SGO2: variants seen among roughly 807,000 people sequenced by gnomAD.
SGO2 encodes the protein shugoshin 2.
SGO2 carries 68 observed loss-of-function variants against 99.5 expected under a neutral mutation model. The observed-to-expected ratio is 0.68, with a 90% CI of 0.56 to 0.84. The LOEUF is 0.84. Ranked by LOEUF, SGO2 falls within the 40% of genes least tolerant of loss-of-function variation. The pLI, the probability that SGO2 is intolerant of heterozygous loss-of-function variation, is 0.00. For synonymous variants in SGO2, 457 were observed against 487.1 expected, an observed-to-expected ratio of 0.94 and a Z score of 0.81; for missense variants, 1,350 against 1,436.7, an observed-to-expected ratio of 0.94 and a Z score of 0.97.
At chr2:200,581,950 C>T (rs753206611) in intron 8 of SGO2, among the ~76,000 whole-genome samples, 4 of 152,062 alleles carry the variant, frequency 2.6e-5, no homozygotes, top group South Asian at 2.1e-4. Flanking sequence ...AAGAGGAGTA[C>T]GAAGGAGTGA....
rs1314263278 is a variant in SGO2 at position 200,571,838 on chromosome 2, A to G, written c.1492A>G (p.Asn498Asp). The change falls in exon 7 of 9, where the codon AAT becomes GAT. Residue 498 changes from asparagine (N) to aspartate (D), a missense_variant. Physicochemically the swap from Asn to Asp is conservative, Grantham distance 23 (BLOSUM62 1). Transcript: ENST00000357799. ...TAATAAAAAGGAGAAAAGAATAACA[A>G]ATGAGCAAGAGGAAACATACTCTTT... is the stretch of plus-strand genomic sequence containing the variant. ...LCNKKEKRITNEQEETYSLSQ... is the reference protein window; with the variant it reads ...LCNKKEKRITDEQEETYSLSQ... 1 of 1,613,222 alleles carries G rather than the reference A, an allele frequency of 6.2e-7. No homozygotes were observed. The highest frequency in any genetic ancestry group is 1.3e-5 in the African/African-American group (1 of 74,874).
chr2:200,541,659 A>G (rs2031966056), intron 4 of SGO2, among the ~76,000 whole-genome samples: 1 of 152,186 alleles, frequency 6.6e-6, no homozygotes, highest in Admixed American at 6.5e-5. Context: ...AACAGGATGG[A>G]GATCCAAATA....
intron 2 of SGO2, chr2:200,533,376 A>G: frequency 3.8e-6 from 1 of 262,292 alleles, no homozygotes; most frequent in Non-Finnish European, 7.3e-6. Flanking sequence ...GCAGAAAAAA[A>G]CTACCAACAT....
intron 1 of SGO2, among the ~76,000 whole-genome samples, chr2:200,529,154 G>A (rs1008306594): frequency 6.6e-6 from 1 of 152,116 alleles, no homozygotes; most frequent in African/African-American, 2.4e-5. Flanking sequence ...AGGGAAGCAG[G>A]GAAATCAGGT....
intron 1 of SGO2, among the ~76,000 whole-genome samples, chr2:200,529,527 GT>G (rs368469794): frequency 7.4e-6 from 1 of 134,238 alleles, no homozygotes; most frequent in African/African-American, 2.6e-5. Flanking sequence ...TTTGTTTTTT[GT>G]TTTTTTGTTT....
chr2:200,545,113 CCTCT>C (rs1319224228), intron 5 of SGO2, among the ~76,000 whole-genome samples: 1 of 152,136 alleles, frequency 6.6e-6, no homozygotes, highest in Non-Finnish European at 1.5e-5. Context: ...CTCAAGCGAT[CCTCT>C]CTCCTCAGTC....
intron 4 of SGO2, among the ~76,000 whole-genome samples, chr2:200,541,291 G>A (rs2031946473): frequency 6.6e-6 from 1 of 152,150 alleles, no homozygotes; most frequent in African/African-American, 2.4e-5. Flanking sequence ...TATATCTCAG[G>A]AGGCAATGGT....
chr2:200,570,971 G>T lies in SGO2; in HGVS notation c.704-79G>T. The T allele has an allele frequency of 7.7e-7, 1 of 1,302,392 alleles. No homozygotes were observed. The allele number at this position is 1,302,392 out of a possible 1,614,324, so 80.7% of individuals were successfully genotyped here. On this transcript the variant is annotated intron_variant, in intron 6 of 8. Coordinates refer to ENST00000357799, the MANE Select transcript of SGO2 (RefSeq NM_152524.6). The surrounding 1 kb of genome is among the most constrained non-coding windows in gnomAD (Gnocchi z 4.4). ...AGAAATTATATCTGTGAAACAGCTT[G>T]ATTTCGAATCTAATTTGTTTAAGGT... is the stretch of plus-strand genomic sequence containing the variant.
In SGO2 at chr2:200,583,534, A is replaced by T. The variant is rs1451372814; in HGVS notation, c.*70A>T. On this transcript the variant is annotated 3_prime_UTR_variant, in exon 9 of 9. Coordinates refer to ENST00000357799, the MANE Select transcript of SGO2 (RefSeq NM_152524.6). Reference sequence around the variant, plus strand: ...GGAATCAAAACAGAAATATAGTATCAAGAAGATGAAATGCTTAATGAAAAG... The same window carrying T: ...GGAATCAAAACAGAAATATAGTATCTAGAAGATGAAATGCTTAATGAAAAG... 2.9e-6 allele frequency: 4 copies of T among 1,390,676 alleles called. No individual in the cohort carries two copies. In the South Asian group the frequency reaches 5.8e-5, roughly 20 times the overall value. The allele number at this position is 1,390,676 out of a possible 1,614,324, so 86.1% of individuals were successfully genotyped here.
chr2:200,557,722 T>C (rs553177621), intron 5 of SGO2, among the ~76,000 whole-genome samples: 1 of 152,184 alleles, frequency 6.6e-6, no homozygotes, highest in Non-Finnish European at 1.5e-5. Flanking sequence ...TCTAATAGTT[T>C]GTGAATAAAA....
At chr2:200,532,272 G>T (rs13430234) in intron 1 of SGO2, 7,394 of 187,676 alleles carry the variant, frequency 0.039, 656 homozygotes, top group African/African-American at 0.2. Context: ...AGAGTTTTTT[G>T]TTTTTTTTTT....
At chr2:200,557,379 C>T (rs2032761664) in intron 5 of SGO2, among the ~76,000 whole-genome samples, 1 of 152,094 alleles carries the variant, frequency 6.6e-6, no homozygotes, top group African/African-American at 2.4e-5. Context: ...CCTGGGCACC[C>T]CACCACTTAC....
At chr2:200,560,024 C>T (rs1432722195) in intron 5 of SGO2, among the ~76,000 whole-genome samples, 1 of 152,066 alleles carries the variant, frequency 6.6e-6, no homozygotes, top group East Asian at 1.9e-4. Context: ...TGGTTGAACG[C>T]AGTATTTTTA....
intron 5 of SGO2, among the ~76,000 whole-genome samples, chr2:200,549,960 T>C (rs1303085415): frequency 2.0e-5 from 3 of 152,200 alleles, no homozygotes; most frequent in Admixed American, 6.5e-5. Flanking sequence ...CCTGATCTTA[T>C]AAAGACTCCA....
chr2:200,564,580 C>G (rs536707016), intron 5 of SGO2, among the ~76,000 whole-genome samples: 5 of 152,264 alleles, frequency 3.3e-5, no homozygotes, highest in African/African-American at 1.2e-4. Flanking sequence ...ATTAGGTCTG[C>G]TTGGTGCAGA....
At chr2:200,564,167 A>G (rs923508577) in intron 5 of SGO2, among the ~76,000 whole-genome samples, 5 of 152,250 alleles carry the variant, frequency 3.3e-5, no homozygotes, top group Admixed American at 6.5e-5. Context: ...TGTCAATTTT[A>G]GATCTTTCCT....
intron 5 of SGO2, among the ~76,000 whole-genome samples, chr2:200,544,700 T>TG (rs142642938): frequency 6.6e-6 from 1 of 151,544 alleles, no homozygotes; most frequent in Non-Finnish European, 1.5e-5. Flanking sequence ...GAGATCTATC[T>TG]ATCTATCTAT....
chr2:200,563,143 T>G (rs1024524226), intron 5 of SGO2, among the ~76,000 whole-genome samples: 2 of 152,200 alleles, frequency 1.3e-5, no homozygotes, highest in African/African-American at 4.8e-5. Flanking sequence ...ATGCCAGTTT[T>G]CAAAGGGAAT....
Position 200,571,740 on chromosome 2 carries a change from C to A in SGO2, c.1394C>A (p.Ala465Asp), listed in dbSNP as rs942216451. 6.2e-7 allele frequency: 1 copy of A among 1,613,634 alleles called. No individual in the cohort carries two copies. Among genetic ancestry groups the A allele is most frequent in the Non-Finnish European group, 8.5e-7 (1 of 1,179,694 alleles). Residue 465 changes from alanine to aspartate, a missense_variant, in exon 7 of 9, where the codon GCT becomes GAT. Ala to Asp is a moderately radical substitution (Grantham distance 126). Coordinates refer to ENST00000357799, the MANE Select transcript of SGO2 (RefSeq NM_152524.6). ...EQLAQMNEQLAQVNELKKMTL... is the reference protein window; with the variant it reads ...EQLAQMNEQLDQVNELKKMTL... ...CTGGCTCAGATGAATGAACAGCTGG[C>A]TCAGGTGAATGAACTAAAGAAAATG... is the stretch of plus-strand genomic sequence containing the variant.
Sources: allele counts gnomAD v4.1 joint callset (sites outside exome capture counted in the v4.1 genomes callset), GRCh38; gene constraint gnomAD v4.1.1; non-coding constraint Gnocchi (gnomAD v3.1); transcripts MANE v1.5; gene names NCBI Gene and HGNC (gene_info 2026-07-23, HGNC 2026-07-21).